Variants in ADGRL1 observed in about 807,000 individuals in gnomAD.
ADGRL1 encodes CIRL-1.
In ADGRL1, 31 loss-of-function variants were observed where a neutral mutation model predicts 148.9. The observed-to-expected ratio is 0.21, with a 90% confidence interval of 0.16 to 0.28. The LOEUF (loss-of-function observed/expected upper bound fraction) is 0.28. Ranked by LOEUF, ADGRL1 falls within the 10% of genes least tolerant of loss-of-function variation. The probability of loss-of-function intolerance (pLI) is 1.00; values close to 1 mark genes in which losing one functional copy is unlikely to be tolerated. For synonymous variants in ADGRL1, 937 were observed against 900.3 expected (o/e 1.04, Z -0.73); for missense variants, 1,521 against 2,058.8 (o/e 0.74, Z 5.05).
chr19:14,167,107 AG>A, intron 4 of ADGRL1: 1 of 1,266,076 alleles, frequency 7.9e-7, no homozygotes, highest in Admixed American at 1.9e-5. Flanking sequence ...AAAAAAAAAG[AG>A]ATTAAATTGC....
At chr19:14,202,277 G>A (rs1363040432) in intron 1 of ADGRL1, among the ~76,000 whole-genome samples, 4 of 151,606 alleles carry the variant, frequency 2.6e-5, no homozygotes, top group Non-Finnish European at 5.9e-5. Flanking sequence ...TATTGAGAAT[G>A]AGTCTCGCTC....
At position 14,149,952 on chromosome 19, in the gene ADGRL1, T is replaced by G. The variant is rs1968003033; in HGVS notation, c.*921A>C. The G allele has an allele frequency of 6.7e-6, 1 of 148,358 alleles. No individual in the cohort carries two copies. Among genetic ancestry groups the G allele is most frequent in the African/African-American group, 2.5e-5 (1 of 40,304 alleles). The allele number at this position is 148,358 out of a possible 1,614,324, so 9.2% of individuals were successfully genotyped here. A position where few individuals can be genotyped will look rare whatever the true frequency, so the allele number is the denominator to read the frequency against. On this transcript the variant is annotated 3_prime_UTR_variant, in exon 23 of 23. Coordinates refer to ENST00000361434, the MANE Select transcript of ADGRL1 (RefSeq NM_014921.5). Reference sequence around the variant, plus strand: ...TTTTTTTTTTTGTCTTTTTTTTTTCTTTTCCATTTCGTTGAAATATTTACA... The same window carrying G: ...TTTTTTTTTTTGTCTTTTTTTTTTCGTTTCCATTTCGTTGAAATATTTACA...
rs1969483600 is a variant in ADGRL1 at position 14,162,371 on chromosome 19, T to C, written c.1195+235A>G. 1.3e-5 allele frequency among the ~76,000 whole-genome samples: 2 copies of C among 152,174 alleles called. No individual in the cohort carries two copies. The highest frequency in any genetic ancestry group is 4.8e-5 in the African/African-American group (2 of 41,426). ...CTTAATCCCCTACCCACACAGAGCCTCAGTGTCATCTGTAAAACAGGGCAG... is the reference window on the plus strand; with the variant it reads ...CTTAATCCCCTACCCACACAGAGCCCCAGTGTCATCTGTAAAACAGGGCAG... On this transcript the variant is annotated intron_variant, in intron 5 of 22. Coordinates refer to ENST00000361434, the MANE Select transcript of ADGRL1 (RefSeq NM_014921.5). This position sits in a 1 kb window ranked among gnomAD's most constrained non-coding sequence, Gnocchi z 5.4.
At chr19:14,174,357 G>A (rs140657845) in intron 3 of ADGRL1, among the ~76,000 whole-genome samples, 20 of 152,218 alleles carry the variant, frequency 1.3e-4, no homozygotes, top group South Asian at 2.1e-4. Flanking sequence ...GGGAAGAGAG[G>A]CAAGATTGCT....
intron 1 of ADGRL1, among the ~76,000 whole-genome samples, chr19:14,186,495 C>G (rs1324666496): frequency 1.3e-5 from 2 of 152,296 alleles, no homozygotes; most frequent in East Asian, 1.9e-4. Context: ...CGGAAGCCAT[C>G]AGCAACTCCT....
At chr19:14,166,278 C>G (rs903287687) in intron 4 of ADGRL1, among the ~76,000 whole-genome samples, 1 of 151,716 alleles carries the variant, frequency 6.6e-6, no homozygotes, top group South Asian at 2.1e-4. Flanking sequence ...AGGCTGCCCC[C>G]TCCCAGGGCT....
chr19:14,151,693 T>G, intron 22 of ADGRL1, 78 bp from the exon 23 acceptor site: 1 of 1,361,788 alleles, frequency 7.3e-7, no homozygotes, highest in Non-Finnish European at 9.9e-7. Context: ...GTGCGGTCCA[T>G]GTGGAGAAGT....
rs1200450321 is a variant in ADGRL1 at position 14,161,599 on chromosome 19, G to A, written c.1223C>T (p.Thr408Met). 24 of 1,428,790 alleles carry A rather than the reference G, an allele frequency of 1.7e-5. No individual in the cohort carries two copies. Among genetic ancestry groups the A allele is most frequent in the Middle Eastern group, 2.2e-4 (1 of 4,494 alleles). The allele number at this position is 1,428,790 out of a possible 1,614,324, so 88.5% of individuals were successfully genotyped here. Residue 408 changes from threonine to methionine, a missense_variant, in exon 6 of 23, where the codon ACG becomes ATG. By Grantham distance (81) the Thr-to-Met change is moderately conservative (BLOSUM62 -1). Transcript: ENST00000361434. This position sits in a 1 kb window ranked among gnomAD's most constrained non-coding sequence, Gnocchi z 4.4. The stretch of plus-strand genomic sequence containing the variant: ...GGGCGTGGGCCTGGCTGTGGTGGTC[G>A]TGCTGAGGGGTGGGGAAGTGGCTGG... ...AGPATSPPLS[T>M]TTTARPTPLT...
At position 14,150,639 on chromosome 19, in the gene ADGRL1, T is replaced by A; in HGVS notation, c.*234A>T. ...TCCTCTGGGCTCCTCCTCACTACAC[T>A]TCCCCCAAATAGAGCTGGTGCGTGT... On this transcript the variant is annotated 3_prime_UTR_variant, in exon 23 of 23. Transcript: ENST00000361434. 1 of 561,618 alleles carries A rather than the reference T, an allele frequency of 1.8e-6. No individual in the cohort carries two copies. Among genetic ancestry groups the A allele is most frequent in the Non-Finnish European group, 3.1e-6 (1 of 321,488 alleles). The allele number at this position is 561,618 out of a possible 1,614,324, so 34.8% of individuals were successfully genotyped here. A position where few individuals can be genotyped will look rare whatever the true frequency, so the allele number is the denominator to read the frequency against.
intron 1 of ADGRL1, among the ~76,000 whole-genome samples, chr19:14,197,863 A>C (rs893364333): frequency 6.6e-6 from 1 of 152,172 alleles, no homozygotes; most frequent in Non-Finnish European, 1.5e-5. Context: ...AATAGACCCA[A>C]AAAGCAGATC....
chr19:14,204,721 A>T (rs909721067), intron 1 of ADGRL1, among the ~76,000 whole-genome samples: 1 of 145,886 alleles, frequency 6.9e-6, no homozygotes, highest in Non-Finnish European at 1.5e-5. Flanking sequence ...AGTGAGAGAG[A>T]GAGAGAGAGA....
In ADGRL1 at chr19:14,151,098, G is replaced by T; in HGVS notation, c.4185C>A (p.Ser1395Arg). ...GGGCCTCACTGGGCCCCTCAGGGCT[G>T]CTGTCCGGGTAGGAGGGTGAGTCCC... is the stretch of plus-strand genomic sequence containing the variant. Reference protein sequence around the residue: ...NLRDSPSYPDSSPEGPSEALP... With the variant: ...NLRDSPSYPDRSPEGPSEALP... The change falls in exon 23 of 23, where the codon AGC (serine) becomes AGA (arginine). Residue 1395 changes from serine to arginine, a missense_variant. Coordinates refer to ENST00000361434, the MANE Select transcript of ADGRL1 (RefSeq NM_014921.5). 5 of 1,535,688 alleles carry T rather than the reference G, an allele frequency of 3.3e-6. No individual in the cohort carries two copies. Among genetic ancestry groups the T allele is most frequent in the Non-Finnish European group, 4.4e-6 (5 of 1,142,448 alleles).
rs1967745111 is a variant in ADGRL1 at position 14,147,786 on chromosome 19, A to G, written c.*3087T>C. 1 of 152,476 alleles carries G rather than the reference A, an allele frequency of 6.6e-6. No homozygotes were observed. The highest frequency in any genetic ancestry group is 1.5e-5 in the Non-Finnish European group (1 of 68,038). 9.4% of individuals were successfully genotyped at this position (152,476 alleles called of 1,614,324 possible). A position where few individuals can be genotyped will look rare whatever the true frequency, so the allele number is the denominator to read the frequency against. On this transcript the variant is annotated 3_prime_UTR_variant, in exon 23 of 23. Transcript: ENST00000361434. ...TCTTTATTGTTTGACTTTTTGACTC[A>G]ACAATTTTTTTAAAACTTTTTGTTT...
chr19:14,156,315 G>C, intron 16 of ADGRL1, 114 bp from the exon 17 acceptor site: 1 of 831,962 alleles, frequency 1.2e-6, no homozygotes. Context: ...GCCTCTGCTG[G>C]GAGAACCCCG....
chr19:14,187,358 A>T (rs184490406), intron 1 of ADGRL1, among the ~76,000 whole-genome samples: 696 of 152,164 alleles, frequency 4.6e-3, no homozygotes, highest in Non-Finnish European at 6.8e-3. Flanking sequence ...AATAAAACAA[A>T]TCGGCACAGG....
At position 14,152,727 on chromosome 19, in the gene ADGRL1, C is replaced by A; in HGVS notation, c.3423+57G>T. The A allele has an allele frequency of 1.9e-6, 3 of 1,604,482 alleles. No homozygotes were observed. The highest frequency in any genetic ancestry group is 2.6e-6 in the Non-Finnish European group (3 of 1,172,834). ...GAAACCTAGGCCAAGCCACTCCCCACCTCTCAGGCTCCAGGTTCCAACACT... is the reference window on the plus strand; with the variant it reads ...GAAACCTAGGCCAAGCCACTCCCCAACTCTCAGGCTCCAGGTTCCAACACT... On this transcript the variant is annotated intron_variant, in intron 19 of 22. Transcript: ENST00000361434. The surrounding 1 kb of genome is among the most constrained non-coding windows in gnomAD (Gnocchi z 6.1).
rs371237629 is a variant in ADGRL1 at position 14,168,563 on chromosome 19, G to C, written c.394+2119C>G. On this transcript the variant is annotated intron_variant, in intron 4 of 22. Coordinates refer to ENST00000361434, the MANE Select transcript of ADGRL1 (RefSeq NM_014921.5). ...CCCTGGAGCCTGCCTGGTCTCTGTC[G>C]GTTGTAGCCCCTGGACCACGCTCAG... Among the ~76,000 whole-genome samples the C allele has an allele frequency of 1.4e-3, 213 of 152,096 alleles. 1 individual carries two copies. Among genetic ancestry groups the C allele is most frequent in the African/African-American group, 4.9e-3 (202 of 41,490 alleles).
Position 14,151,147 on chromosome 19 carries a change from AGGGAGTCCC to A in ADGRL1, c.4127_4135del (p.Arg1376_Ser1378del). 1 of 1,601,758 alleles carries A rather than the reference AGGGAGTCCC, an allele frequency of 6.2e-7. No individual in the cohort carries two copies. Among genetic ancestry groups the A allele is most frequent in the Non-Finnish European group, 8.5e-7 (1 of 1,175,570 alleles). Reference sequence around the variant, plus strand: ...CCGCAGGTTGGCCCCGCTGGCATAGAGGGAGTCCCGGCCAGGAGGGGAGGAGAGGGGCCG... The same window carrying A: ...CCGCAGGTTGGCCCCGCTGGCATAGAGGCCAGGAGGGGAGGAGAGGGGCCG... On this transcript the variant is annotated inframe_deletion, in exon 23 of 23. Transcript: ENST00000361434.
At chr19:14,176,725 G>T (rs1970852409) in intron 3 of ADGRL1, among the ~76,000 whole-genome samples, 1 of 152,048 alleles carries the variant, frequency 6.6e-6, no homozygotes, top group African/African-American at 2.4e-5. Flanking sequence ...TGTAGTCCCA[G>T]CTACTCAGGA....
Sources: allele counts gnomAD v4.1 joint callset (sites outside exome capture counted in the v4.1 genomes callset), GRCh38; gene constraint gnomAD v4.1.1; non-coding constraint Gnocchi (gnomAD v3.1); transcripts MANE v1.5; gene names NCBI Gene and HGNC (gene_info 2026-07-23, HGNC 2026-07-21).